Variants in SND1 observed in about 807,000 individuals in gnomAD.
SND1 encodes staphylococcal nuclease and tudor domain containing 1, also known as staphylococcal nuclease domain-containing protein 1.
A neutral mutation model predicts 121.7 loss-of-function variants in SND1; 38 were observed. The ratio of observed to expected loss-of-function variants is 0.31; its 90% confidence interval spans 0.24 to 0.41. The LOEUF (loss-of-function observed/expected upper bound fraction) is 0.41, where lower values mean the gene tolerates loss of function less well. Ranked by LOEUF, SND1 falls within the 10% of genes least tolerant of loss-of-function variation. The probability of loss-of-function intolerance (pLI) is 1.00; values close to 1 mark genes in which losing one functional copy is unlikely to be tolerated. For synonymous variants in SND1, 401 were observed against 447.4 expected (o/e 0.90, Z 1.31); for missense variants, 868 against 1,184.6 (o/e 0.73, Z 3.92).
At chr7:127,917,125 T>C (rs35585856) in intron 14 of SND1, among the ~76,000 whole-genome samples, 9,872 of 152,280 alleles carry the variant, frequency 0.065, 415 homozygotes, top group Middle Eastern at 0.19. Context: ...TACATCATTT[T>C]CCACTGATAG....
chr7:127,659,909 C>T (rs780329428), intron 1 of SND1, among the ~76,000 whole-genome samples: 1 of 152,074 alleles, frequency 6.6e-6, no homozygotes, highest in African/African-American at 2.4e-5. Context: ...TGTTACATTT[C>T]ATTTAGGCAT....
At chr7:127,866,742 C>G (rs1238215769) in intron 12 of SND1, among the ~76,000 whole-genome samples, 1 of 152,136 alleles carries the variant, frequency 6.6e-6, no homozygotes, top group African/African-American at 2.4e-5. Context: ...GTCCACCAAG[C>G]CCCCCTACTT....
chr7:127,738,248 G>A (rs1272661345), intron 10 of SND1, among the ~76,000 whole-genome samples: 3 of 150,096 alleles, frequency 2.0e-5, no homozygotes, highest in Non-Finnish European at 3.0e-5. Context: ...TGGAAGTCTC[G>A]CTCTGGCCTT....
chr7:127,826,682 T>C (rs1400743284), intron 11 of SND1, among the ~76,000 whole-genome samples: 1 of 152,244 alleles, frequency 6.6e-6, no homozygotes, highest in Admixed American at 6.5e-5. Flanking sequence ...TAAATACCAT[T>C]TAGCCTAGGT....
chr7:128,011,294 G>A (rs1049419341), intron 16 of SND1, among the ~76,000 whole-genome samples: 5 of 152,196 alleles, frequency 3.3e-5, no homozygotes, highest in Non-Finnish European at 5.9e-5. Context: ...CCTGTGAGCT[G>A]CCCAGGCAGC....
In SND1 at chr7:127,839,398, C is replaced by T. The variant is rs1432854928; in HGVS notation, c.1243-4926C>T. On this transcript the variant is annotated intron_variant, in intron 11 of 23. Coordinates refer to ENST00000354725, the MANE Select transcript of SND1 (RefSeq NM_014390.4). ...GCTCTAGTTATATTAAAACTAAGCT[C>T]AGGCTACAACCTGGAAATGTGGCTC... 2.0e-5 allele frequency among the ~76,000 whole-genome samples: 3 copies of T among 152,302 alleles called. No homozygotes were observed. In the East Asian group the frequency reaches 5.8e-4, roughly 29 times the overall value.
intron 15 of SND1, among the ~76,000 whole-genome samples, chr7:127,979,070 A>T (rs573409887): frequency 1.3e-5 from 2 of 152,178 alleles, no homozygotes; most frequent in Non-Finnish European, 2.9e-5. Context: ...AATAGTAAAT[A>T]TCTTAGTCTT....
At position 128,036,803 on chromosome 7, in the gene SND1, A is replaced by G. The variant is rs948091576; in HGVS notation, c.1780-37699A>G. On this transcript the variant is annotated intron_variant, in intron 16 of 23. Transcript: ENST00000354725. ...ACTTACATGTTCAAATTGAAAAGAG[A>G]GGTTCAGCCAGGAGCCCTGAAAATG... Among the ~76,000 whole-genome samples the G allele has an allele frequency of 2.6e-5, 4 of 152,356 alleles. No homozygotes were observed. The Middle Eastern group carries it at 0.01, about 389-fold the overall frequency.
intron 16 of SND1, among the ~76,000 whole-genome samples, chr7:128,041,971 T>TG (rs1343684692): frequency 6.6e-6 from 1 of 152,098 alleles, no homozygotes; most frequent in Non-Finnish European, 1.5e-5. Flanking sequence ...CTGGTTCTGA[T>TG]GGGGGGTGCT....
chr7:128,053,663 C>G lies in SND1; in HGVS notation c.1780-20839C>G, dbSNP rs138147306. ...GTTTTCTGGGGTGGAAGGGGACTTA[C>G]AAAACCCACAAGCAGAGGATGGGGA... On this transcript the variant is annotated intron_variant, in intron 16 of 23. Transcript: ENST00000354725. 5.9e-5 allele frequency among the ~76,000 whole-genome samples: 9 copies of G among 151,958 alleles called. No homozygotes were observed. The East Asian group carries it at 1.8e-3, about 30-fold the overall frequency.
chr7:127,721,430 T>G (rs1317661868), intron 10 of SND1, 30 bp downstream of exon 10: 1 of 1,293,920 alleles, frequency 7.7e-7, no homozygotes, highest in Non-Finnish European at 1.1e-6. Flanking sequence ...CGCGCCTCTT[T>G]GCATAAACCA....
At chr7:127,989,678 G>A (rs1302947431) in intron 15 of SND1, among the ~76,000 whole-genome samples, 1 of 152,080 alleles carries the variant, frequency 6.6e-6, no homozygotes, top group Admixed American at 6.6e-5. Flanking sequence ...GAGACCACCA[G>A]TGATTCAGAG....
chr7:127,956,947 T>C (rs1584694158), intron 15 of SND1, among the ~76,000 whole-genome samples: 1 of 152,200 alleles, frequency 6.6e-6, no homozygotes, highest in East Asian at 1.9e-4. Context: ...GTCCCTGTCA[T>C]ATCCTCAGCA....
At chr7:127,834,378 T>A (rs1249857739) in intron 11 of SND1, among the ~76,000 whole-genome samples, 1 of 152,332 alleles carries the variant, frequency 6.6e-6, no homozygotes, top group East Asian at 1.9e-4. Context: ...ACTGCCCAGT[T>A]TGTGAATGTG....
chr7:128,091,366 C>A (rs1793776320), intron 22 of SND1, among the ~76,000 whole-genome samples: 1 of 151,932 alleles, frequency 6.6e-6, no homozygotes, highest in South Asian at 2.1e-4. Context: ...TACAGACATT[C>A]ATGGGCCACC....
intron 17 of SND1, among the ~76,000 whole-genome samples, chr7:128,079,461 G>C (rs1793561231): frequency 6.6e-6 from 1 of 152,232 alleles, no homozygotes; most frequent in African/African-American, 2.4e-5. Flanking sequence ...CAGGTGTTAG[G>C]GTATCAGGAG....
intron 12 of SND1, among the ~76,000 whole-genome samples, chr7:127,852,466 T>C (rs1269502100): frequency 1.4e-5 from 2 of 141,318 alleles, no homozygotes; most frequent in East Asian, 4.1e-4. Flanking sequence ...CCATCCAGCC[T>C]GGGTGACAAA....
At chr7:127,730,321 G>A (rs1796653724) in intron 10 of SND1, among the ~76,000 whole-genome samples, 1 of 152,198 alleles carries the variant, frequency 6.6e-6, no homozygotes, top group Non-Finnish European at 1.5e-5. Context: ...TCTGTTTTTG[G>A]CAAATGCCTT....
intron 12 of SND1, among the ~76,000 whole-genome samples, chr7:127,849,411 G>A (rs1011725834): frequency 1.3e-5 from 2 of 152,214 alleles, no homozygotes; most frequent in Admixed American, 6.5e-5. Flanking sequence ...TGCATATCAC[G>A]TTTTCAAAGA....
Sources: allele counts gnomAD v4.1 joint callset (sites outside exome capture counted in the v4.1 genomes callset), GRCh38; gene constraint gnomAD v4.1.1; transcripts MANE v1.5; gene names NCBI Gene and HGNC (gene_info 2026-07-23, HGNC 2026-07-21).